COL16A1: variants seen among roughly 807,000 people sequenced by gnomAD.
COL16A1 encodes collagen type XVI alpha 1 chain, also known as collagen alpha-1(XVI) chain.
Under a neutral mutation model 266.3 loss-of-function variants are expected in COL16A1, and 189 were observed. That is an observed-to-expected ratio of 0.71 (90% CI 0.63 to 0.80). COL16A1 has a LOEUF of 0.80. Ranked by LOEUF, COL16A1 falls within the 30% of genes least tolerant of loss-of-function variation. The pLI is 0.00. For synonymous variants in COL16A1, 740 were observed against 782.3 expected (o/e 0.95, Z 0.90); for missense variants, 1,928 against 2,122.4 (o/e 0.91, Z 1.80).
intron 42 of COL16A1, chr1:31,679,257 C>T: frequency 1.4e-6 from 1 of 725,220 alleles, no homozygotes; most frequent in South Asian, 2.0e-5. Flanking sequence ...ACTGTATTCA[C>T]AGCAGTTAAA....
At chr1:31,689,179 C>T (rs1570545877) in intron 23 of COL16A1, 94 bp from the exon 24 acceptor site, 2 of 1,583,880 alleles carry the variant, frequency 1.3e-6, no homozygotes, top group East Asian at 2.3e-5. Context: ...GTCACACACG[C>T]AAACCGTCCA....
chr1:31,677,875 C>T (rs1643316751), intron 42 of COL16A1, among the ~76,000 whole-genome samples: 2 of 152,278 alleles, frequency 1.3e-5, no homozygotes, highest in Middle Eastern at 3.4e-3. Flanking sequence ...CTGCCTCATT[C>T]CCCAGCATGT....
chr1:31,665,124 G>A (rs773811892), intron 56 of COL16A1, 48 bp downstream of exon 56: 1 of 1,595,520 alleles, frequency 6.3e-7, no homozygotes, highest in South Asian at 1.1e-5. Flanking sequence ...GGGCATGGGA[G>A]CTGCATGGCT....
chr1:31,693,094 G>A lies in COL16A1; in HGVS notation c.1069C>T (p.Arg357Trp), dbSNP rs200284061. 1.2e-4 allele frequency: 186 copies of A among 1,603,520 alleles called. No homozygotes were observed. The highest frequency in any genetic ancestry group is 1.4e-4 in the Non-Finnish European group (162 of 1,171,056). The change falls in exon 13 of 71, where the codon CGG becomes TGG. Residue 357 changes from arginine (R) to tryptophan (W), a missense_variant and splice_region_variant. This residue lies in a region of COL16A1 where 1,552 missense variants were observed against 1,637.2 expected (regional missense o/e 0.95). Coordinates refer to ENST00000373672, the MANE Select transcript of COL16A1 (RefSeq NM_001856.4). ...PPGSKGEKGA[R>W]GNDCVRISPD... ...ACGGGCAGGGCTGGGACACTTACCC[G>A]TGCTCCCTTCTCTCCCTTGGAGCCT... is the stretch of plus-strand genomic sequence containing the variant.
intron 44 of COL16A1, among the ~76,000 whole-genome samples, chr1:31,674,737 G>A (rs1003402314): frequency 3.9e-5 from 6 of 152,150 alleles, no homozygotes; most frequent in Non-Finnish European, 5.9e-5. Flanking sequence ...CAGCTGCTGC[G>A]GGCAGGCTTC....
rs1642592605 is a variant in COL16A1, at chr1:31,670,683, A to G, written c.3151-37T>C. On this transcript the variant is annotated intron_variant, in intron 48 of 70. Coordinates refer to ENST00000373672, the MANE Select transcript of COL16A1 (RefSeq NM_001856.4). The surrounding 1 kb of genome is among the most constrained non-coding windows in gnomAD (Gnocchi z 4.5). ...AACAGGCAGGTCACATCTCACAGGC[A>G]CAGTAACCCTGGGACAGCCTGGAGG... 7.0e-7 allele frequency: 1 copy of G among 1,422,426 alleles called. No individual in the cohort carries two copies. The highest frequency in any genetic ancestry group is 9.2e-7 in the Non-Finnish European group (1 of 1,089,452). 88.1% of individuals were successfully genotyped at this position (1,422,426 alleles called of 1,614,324 possible).
At position 31,692,023 on chromosome 1, in the gene COL16A1, C is replaced by T. The variant is rs753285033; in HGVS notation, c.1239G>A (p.Pro413=). 23 of 1,613,792 alleles carry T rather than the reference C, an allele frequency of 1.4e-5. No individual in the cohort carries two copies. Among genetic ancestry groups the T allele is most frequent in the African/African-American group, 8.0e-5 (6 of 74,910 alleles). The change falls in exon 17 of 71, where the codon CCG becomes CCA. Residue 413 remains proline (P), a synonymous_variant. Coordinates refer to ENST00000373672, the MANE Select transcript of COL16A1 (RefSeq NM_001856.4). ...CACCTACGTCCCGGCCTGGCTTTCC[C>T]GGCACGCCCTTGATGCCTCCGTCGC... ...EKGDGGIKGV[P]GKPGRDGRPG...
Position 31,672,626 on chromosome 1 carries a change from T to G in COL16A1, c.2988A>C (p.Ser996=). 6.2e-7 allele frequency: 1 copy of G among 1,604,618 alleles called. No homozygotes were observed. The highest frequency in any genetic ancestry group is 8.5e-7 in the Non-Finnish European group (1 of 1,174,552). The stretch of plus-strand genomic sequence containing the variant: ...CCTCCTCGGCTCTTGGGCGCTCCAG[T>G]GACAAAAAGCACTGCAAGGGACAAT... ...GLDNCAQCFL[S]LERPRAEEAR... Residue 996 remains serine, a synonymous_variant, in exon 46 of 71, where the codon TCA becomes TCC. Transcript: ENST00000373672.
In COL16A1 at chr1:31,670,249, G is replaced by C. The variant is rs1033590644; in HGVS notation, c.3195+353C>G. 1 of 273,776 alleles carries C rather than the reference G, an allele frequency of 3.7e-6. No homozygotes were observed. Among genetic ancestry groups the C allele is most frequent in the Non-Finnish European group, 6.8e-6 (1 of 146,954 alleles). 17.0% of individuals were successfully genotyped at this position (273,776 alleles called of 1,614,324 possible). On this transcript the variant is annotated intron_variant, in intron 49 of 70. Transcript: ENST00000373672. This position sits in a 1 kb window ranked among gnomAD's most constrained non-coding sequence, Gnocchi z 4.5. The stretch of plus-strand genomic sequence containing the variant: ...CAGAGCGAGAAGGCAGGAATGGAGG[G>C]GCCCCCTAGAGGCACCAGCTTAAGA...
In COL16A1 at chr1:31,696,820, G is replaced by A. The variant is rs113069678; in HGVS notation, c.864+143C>T. On this transcript the variant is annotated intron_variant, in intron 8 of 70. Transcript: ENST00000373672. ...CCTCCCTGAATCATTTAGGGGTGGC[G>A]TACAAATAGGGAGGGCTTCCAGTGC... 5.0e-3 allele frequency: 6,910 copies of A among 1,386,508 alleles called. 43 individuals carry two copies. The highest frequency in any genetic ancestry group is 0.023 in the East Asian group (936 of 41,296). The allele number at this position is 1,386,508 out of a possible 1,614,324, so 85.9% of individuals were successfully genotyped here.
rs1306656271 is a variant in COL16A1, at chr1:31,699,853, T to C, written c.226A>G (p.Ile76Val). Residue 76 changes from isoleucine to valine, a missense_variant, in exon 4 of 71, where the codon ATC becomes GTC. Transcript: ENST00000373672. ...ACGGGGGCCGCCCCCAGGCGCAGGATGAGAGGCCCCTTGGGGTTGCGGATC... is the reference window on the plus strand; with the variant it reads ...ACGGGGGCCGCCCCCAGGCGCAGGACGAGAGGCCCCTTGGGGTTGCGGATC... ...KKIRNPKGPL[I>V]LRLGAAPVTQ... The C allele has an allele frequency of 6.2e-7, 1 of 1,613,698 alleles. No homozygotes were observed. Among genetic ancestry groups the C allele is most frequent in the Non-Finnish European group, 8.5e-7 (1 of 1,179,758 alleles).
Position 31,685,998 on chromosome 1 carries a change from C to A in COL16A1, c.1884+93G>T. 6.4e-7 allele frequency: 1 copy of A among 1,562,640 alleles called. No homozygotes were observed. The highest frequency in any genetic ancestry group is 1.2e-5 in the South Asian group (1 of 82,706). ...GAGTCAGACTCTGCCCGACAGACAG[C>A]AAGGAGCCCCAGAGGGTTCGAAGTC... On this transcript the variant is annotated intron_variant, in intron 28 of 70. Coordinates refer to ENST00000373672, the MANE Select transcript of COL16A1 (RefSeq NM_001856.4). This position sits in a 1 kb window ranked among gnomAD's most constrained non-coding sequence, Gnocchi z 4.0.
chr1:31,698,350 G>A lies in COL16A1; in HGVS notation c.390+133C>T, dbSNP rs1451053318. ...GAAAGAATGAGGTAGGTACTGGTGG[G>A]CTGGGGACAGGCTTGAGGGTAGGCA... On this transcript the variant is annotated intron_variant, in intron 5 of 70. Coordinates refer to ENST00000373672, the MANE Select transcript of COL16A1 (RefSeq NM_001856.4). This position sits in a 1 kb window ranked among gnomAD's most constrained non-coding sequence, Gnocchi z 4.1. 2.9e-5 allele frequency: 44 copies of A among 1,525,940 alleles called. No homozygotes were observed. The highest frequency in any genetic ancestry group is 1.7e-4 in the Admixed American group (9 of 52,686). 94.5% of individuals were successfully genotyped at this position (1,525,940 alleles called of 1,614,324 possible).
intron 64 of COL16A1, 37 bp downstream of exon 64, chr1:31,658,447 CTCTT>C: frequency 6.6e-7 from 1 of 1,524,102 alleles, no homozygotes; most frequent in Non-Finnish European, 9.0e-7. Context: ...AGCCAATTGA[CTCTT>C]TCCCCCTGGG....
intron 23 of COL16A1, chr1:31,689,495 G>C (rs1644155270): frequency 1.7e-6 from 1 of 572,794 alleles, no homozygotes; most frequent in Non-Finnish European, 3.1e-6. Context: ...TTGCCCAAAA[G>C]GCACCCTAGA....
rs1168886622 is a variant in COL16A1, at chr1:31,686,480, C to G, written c.1804-201G>C. 7 of 743,158 alleles carry G rather than the reference C, an allele frequency of 9.4e-6. No individual in the cohort carries two copies. In the East Asian group the frequency reaches 1.9e-4, roughly 20 times the overall value. 46.0% of individuals were successfully genotyped at this position (743,158 alleles called of 1,614,324 possible). A position where few individuals can be genotyped will look rare whatever the true frequency, so the allele number is the denominator to read the frequency against. On this transcript the variant is annotated intron_variant, in intron 26 of 70. Coordinates refer to ENST00000373672, the MANE Select transcript of COL16A1 (RefSeq NM_001856.4). ...CTAGAAGCCCTATTTCTGCCCCCAG[C>G]TTCACCTCATGGAATCCAGCCCACC... is the stretch of plus-strand genomic sequence containing the variant.
In COL16A1 at chr1:31,685,954, G is replaced by T; in HGVS notation, c.1884+137C>A. ...CAAAGGTGGAGCTGAGTCATCAGGG[G>T]TCTCCATGCCTTGCTAAGGAGTCAG... is the stretch of plus-strand genomic sequence containing the variant. On this transcript the variant is annotated intron_variant, in intron 28 of 70. Transcript: ENST00000373672. This position sits in a 1 kb window ranked among gnomAD's most constrained non-coding sequence, Gnocchi z 4.0. The T allele has an allele frequency of 6.8e-7, 1 of 1,474,830 alleles. No homozygotes were observed. The allele number at this position is 1,474,830 out of a possible 1,614,324, so 91.4% of individuals were successfully genotyped here.
Position 31,653,626 on chromosome 1 carries a change from C to CTGCCAATCCCAA in COL16A1, c.4584_4585insTTGGGATTGGCA (p.Ala1528_Gly1529insLeuGlyLeuAla), listed in dbSNP as rs1394458884. The CTGCCAATCCCAA allele has an allele frequency of 6.2e-7, 1 of 1,613,964 alleles. No individual in the cohort carries two copies. The highest frequency in any genetic ancestry group is 1.1e-5 in the South Asian group (1 of 91,068). On this transcript the variant is annotated inframe_insertion, in exon 70 of 71. Coordinates refer to ENST00000373672, the MANE Select transcript of COL16A1 (RefSeq NM_001856.4). ...GGGGGGCCGGGAAGACCATTTTCTCCTGCAATGCCAATACCAATGTCCCCT... is the reference window on the plus strand; with the variant it reads ...GGGGGGCCGGGAAGACCATTTTCTCCTGCCAATCCCAATGCAATGCCAATACCAATGTCCCCT...
intron 20 of COL16A1, 71 bp from the exon 21 acceptor site, chr1:31,690,644 A>G: frequency 6.4e-7 from 1 of 1,563,660 alleles, no homozygotes; most frequent in South Asian, 1.2e-5. Context: ...CCCCTTCCCC[A>G]CCCGTGCCCC....
Sources: allele counts gnomAD v4.1 joint callset (sites outside exome capture counted in the v4.1 genomes callset), GRCh38; gene constraint gnomAD v4.1.1; regional missense constraint gnomAD v4.1.1; non-coding constraint Gnocchi (gnomAD v3.1); transcripts MANE v1.5; gene names NCBI Gene and HGNC (gene_info 2026-07-23, HGNC 2026-07-21).